Variants in NPAS3 observed in about 807,000 individuals in gnomAD.
The protein encoded by NPAS3 is neuronal PAS domain protein 3.
Under a neutral mutation model 73.1 loss-of-function variants are expected in NPAS3, and 14 were observed. The ratio of observed to expected loss-of-function variants is 0.19; its 90% confidence interval spans 0.13 to 0.30. NPAS3 has a LOEUF of 0.30. NPAS3 is among the 10% of genes least tolerant of loss of function. The probability of loss-of-function intolerance (pLI) is 1.00; values close to 1 mark genes in which losing one functional copy is unlikely to be tolerated. For missense variants in NPAS3, 1,096 were observed against 1,250.0 expected (o/e 0.88, Z 1.86); for synonymous variants, 620 against 541.5 (o/e 1.14, Z -2.01).
At chr14:33,631,068 A>T (rs2058364376) in intron 5 of NPAS3, among the ~76,000 whole-genome samples, 1 of 152,220 alleles carries the variant, frequency 6.6e-6, no homozygotes, top group Admixed American at 6.5e-5. Flanking sequence ...CTGAGCATCC[A>T]GCTTCTTCCA....
intron 3 of NPAS3, among the ~76,000 whole-genome samples, chr14:33,288,438 G>A (rs2041966765): frequency 6.6e-6 from 1 of 151,928 alleles, no homozygotes; most frequent in Non-Finnish European, 1.5e-5. Context: ...TCCCCAGGCT[G>A]GACCAGATTG....
chr14:33,048,781 T>C (rs531618018), intron 1 of NPAS3, among the ~76,000 whole-genome samples: 1 of 152,322 alleles, frequency 6.6e-6, no homozygotes, highest in East Asian at 1.9e-4. Flanking sequence ...CCAAGAACAC[T>C]CTGGCTGAGA....
At chr14:32,937,018 G>T (rs77801301), upstream of NPAS3, among the ~76,000 whole-genome samples, 1 of 150,802 alleles carries the variant, frequency 6.6e-6, no homozygotes, top group African/African-American at 2.4e-5. Flanking sequence ...ATTGGCAGAA[G>T]AGAAGATGAT....
At chr14:33,633,568 A>G (rs1392309958) in intron 5 of NPAS3, among the ~76,000 whole-genome samples, 1 of 152,186 alleles carries the variant, frequency 6.6e-6, no homozygotes, top group African/African-American at 2.4e-5. Context: ...TGTACTGCAT[A>G]CTGTAGGTAA....
intron 2 of NPAS3, among the ~76,000 whole-genome samples, chr14:33,199,138 C>T (rs534244564): frequency 1.8e-4 from 28 of 152,154 alleles, no homozygotes; most frequent in Non-Finnish European, 3.7e-4. Context: ...CACCTCCCCG[C>T]AAGCAGAGGG....
chr14:33,438,252 T>C (rs17101124), intron 4 of NPAS3, among the ~76,000 whole-genome samples: 40,745 of 152,102 alleles, frequency 0.27, 5,994 homozygotes, highest in African/African-American at 0.39. Flanking sequence ...TGCATTGCAG[T>C]GAGACAGATC....
chr14:33,341,696 A>G (rs766014333), intron 3 of NPAS3, among the ~76,000 whole-genome samples: 6 of 152,092 alleles, frequency 3.9e-5, no homozygotes, highest in African/African-American at 4.8e-5. Context: ...ACAGGTGTTG[A>G]TTGGCTACAC....
intron 5 of NPAS3, among the ~76,000 whole-genome samples, chr14:33,565,477 G>A (rs995749038): frequency 8.5e-5 from 13 of 152,158 alleles, no homozygotes; most frequent in African/African-American, 2.7e-4. Context: ...CTTTGCAACC[G>A]CCATGTCTTT....
intron 4 of NPAS3, among the ~76,000 whole-genome samples, chr14:33,524,391 A>G (rs1595083728): frequency 6.6e-6 from 1 of 152,312 alleles, no homozygotes; most frequent in South Asian, 2.1e-4. Flanking sequence ...CAGACACTCA[A>G]AAATTGGTCA....
At position 33,450,734 on chromosome 14, in the gene NPAS3, A is replaced by C. The variant is rs115833396; in HGVS notation, c.468+83466A>C. Among the ~76,000 whole-genome samples, 1,464 of 152,298 alleles carry C rather than the reference A, an allele frequency of 9.6e-3. 23 individuals carry two copies. Among genetic ancestry groups the C allele is most frequent in the African/African-American group, 0.033 (1,389 of 41,552 alleles). On this transcript the variant is annotated intron_variant, in intron 4 of 11. Coordinates refer to ENST00000356141, the Ensembl canonical transcript of NPAS3. ...GTGTGAATTGGAGAGAGAAGTTTTC[A>C]ATACATATTTTAATTGCTGTTGGTT...
chr14:33,270,786 T>C (rs1472567746), intron 3 of NPAS3, among the ~76,000 whole-genome samples: 1 of 152,186 alleles, frequency 6.6e-6, no homozygotes, highest in Non-Finnish European at 1.5e-5. Flanking sequence ...CAGGCCATCC[T>C]AGAATGGACG....
At chr14:33,133,934 G>A (rs1469214923) in intron 2 of NPAS3, among the ~76,000 whole-genome samples, 1 of 152,036 alleles carries the variant, frequency 6.6e-6, no homozygotes, top group Non-Finnish European at 1.5e-5. Flanking sequence ...AAGGCATTAG[G>A]GATCATTACA....
At chr14:33,557,988 A>G (rs2055442633) in intron 4 of NPAS3, among the ~76,000 whole-genome samples, 1 of 152,186 alleles carries the variant, frequency 6.6e-6, no homozygotes, top group Non-Finnish European at 1.5e-5. Flanking sequence ...AAAAAAATGT[A>G]GATAATAATA....
intron 5 of NPAS3, among the ~76,000 whole-genome samples, chr14:33,569,150 G>C (rs963473951): frequency 6.6e-6 from 1 of 152,132 alleles, no homozygotes; most frequent in Admixed American, 6.5e-5. Flanking sequence ...TCCTCTGGGC[G>C]TCTCCTCCTT....
chr14:33,625,954 G>C (rs1449403986), intron 5 of NPAS3, among the ~76,000 whole-genome samples: 1 of 152,130 alleles, frequency 6.6e-6, no homozygotes, highest in African/African-American at 2.4e-5. Flanking sequence ...ACTTGTTAGA[G>C]AATGAAAGGA....
chr14:33,295,589 A>G (rs946019288), intron 3 of NPAS3, among the ~76,000 whole-genome samples: 1 of 152,208 alleles, frequency 6.6e-6, no homozygotes, highest in African/African-American at 2.4e-5. Flanking sequence ...GTGTAGGCTC[A>G]CTTGCCTAGG....
intron 6 of NPAS3, among the ~76,000 whole-genome samples, chr14:33,720,327 G>C (rs559211256): frequency 6.6e-6 from 1 of 152,098 alleles, no homozygotes; most frequent in South Asian, 2.1e-4. Flanking sequence ...AAGGACAGAG[G>C]GGTGAGTTGG....
intron 10 of NPAS3, among the ~76,000 whole-genome samples, chr14:33,795,963 T>G (rs1301503955): frequency 6.6e-6 from 1 of 152,078 alleles, no homozygotes; most frequent in Non-Finnish European, 1.5e-5. Flanking sequence ...AAGTCAATGA[T>G]AAAGGACTGT....
At chr14:33,360,706 AC>A (rs1349762965) in intron 3 of NPAS3, among the ~76,000 whole-genome samples, 1 of 152,180 alleles carries the variant, frequency 6.6e-6, no homozygotes, top group African/African-American at 2.4e-5. Flanking sequence ...ATGACTGTGT[AC>A]TAACTACCAT....
Sources: gnomAD v4.1 joint callset for allele counts (sites outside exome capture counted in the v4.1 genomes callset) on GRCh38, gnomAD v4.1.1 for gene constraint, MANE v1.5 for transcripts, NCBI Gene and HGNC (gene_info 2026-07-23, HGNC 2026-07-21) for gene names.